TRDN: variants seen among roughly 807,000 people sequenced by gnomAD.
The protein encoded by TRDN is triadin.
TRDN carries 161 observed loss-of-function variants against 149.7 expected under a neutral mutation model. The ratio of observed to expected loss-of-function variants is 1.08; its 90% confidence interval spans 0.95 to 1.23. The LOEUF (loss-of-function observed/expected upper bound fraction) is 1.23. TRDN is among the 50% of genes most tolerant of loss of function. TRDN has a pLI of 0.00. For synonymous variants in TRDN, 294 were observed against 250.5 expected, an observed-to-expected ratio of 1.17 and a Z score of -1.64; for missense variants, 896 against 823.5, an observed-to-expected ratio of 1.09 and a Z score of -1.08.
intron 20 of TRDN, among the ~76,000 whole-genome samples, chr6:123,358,946 A>G (rs1049625077): frequency 1.3e-5 from 2 of 152,200 alleles, no homozygotes; most frequent in African/African-American, 4.8e-5. Context: ...ATAGCATGAT[A>G]AACTATTATT....
intron 21 of TRDN, 78 bp from the exon 22 acceptor site, chr6:123,337,747 T>C (rs895224276): frequency 8.8e-6 from 7 of 795,264 alleles, no homozygotes; most frequent in Non-Finnish European, 1.4e-5. Flanking sequence ...ATGTGTTTTG[T>C]ATACTGAGGC....
chr6:123,499,557 A>G (rs1314598210), intron 8 of TRDN, among the ~76,000 whole-genome samples: 2 of 150,386 alleles, frequency 1.3e-5, no homozygotes, highest in Admixed American at 6.7e-5. Context: ...TACAAAAATT[A>G]GCTGGGCATG....
intron 5 of TRDN, chr6:123,528,602 T>C: frequency 1.0e-6 from 1 of 980,034 alleles, no homozygotes; most frequent in Non-Finnish European, 1.2e-6. Context: ...CTTAAATTCC[T>C]AACTATCCAT....
intron 21 of TRDN, among the ~76,000 whole-genome samples, chr6:123,339,074 G>A (rs191439002): frequency 6.1e-4 from 92 of 151,766 alleles, no homozygotes; most frequent in Middle Eastern, 6.8e-3. Context: ...GTGCAGTGGC[G>A]CGATCTTGGC....
intron 19 of TRDN, among the ~76,000 whole-genome samples, chr6:123,372,500 T>C (rs1781360700): frequency 6.6e-6 from 1 of 152,070 alleles, no homozygotes; most frequent in Non-Finnish European, 1.5e-5. Context: ...TGGGCTTTGG[T>C]GGCTATTTTC....
At chr6:123,494,907 T>C (rs1206396064) in intron 9 of TRDN, among the ~76,000 whole-genome samples, 1 of 151,926 alleles carries the variant, frequency 6.6e-6, no homozygotes, top group Non-Finnish European at 1.5e-5. Context: ...CTAATTTTTG[T>C]ATTTTTAGTA....
intron 8 of TRDN, among the ~76,000 whole-genome samples, chr6:123,499,023 T>A (rs1404307460): frequency 1.3e-5 from 2 of 152,202 alleles, no homozygotes; most frequent in African/African-American, 2.4e-5. Flanking sequence ...GGAATATGCA[T>A]TTTATACAAA....
At chr6:123,433,416 C>T (rs1774423858) in intron 12 of TRDN, among the ~76,000 whole-genome samples, 1 of 151,842 alleles carries the variant, frequency 6.6e-6, no homozygotes. Context: ...CCTTGTCAAA[C>T]TGTAAGCTCC....
At chr6:123,621,786 G>T (rs957294832) in intron 1 of TRDN, among the ~76,000 whole-genome samples, 54 of 152,270 alleles carry the variant, frequency 3.5e-4, no homozygotes, top group African/African-American at 1.3e-3. Flanking sequence ...TACCAAAAAA[G>T]CTGGTTCCCT....
In TRDN at chr6:123,538,631, A is replaced by G. The variant is rs1780672114; in HGVS notation, c.425-8066T>C. ...AGATATTAAGAACAGTTTCTTTCAG[A>G]GATGTTGAAGCCCATAAATGTAAAT... On this transcript the variant is annotated intron_variant, in intron 4 of 40. Transcript: ENST00000334268. Among the ~76,000 whole-genome samples, 4 of 152,270 alleles carry G rather than the reference A, an allele frequency of 2.6e-5. No homozygotes were observed. The South Asian group carries it at 8.3e-4, about 32-fold the overall frequency.
At chr6:123,449,734 T>C (rs995061821) in intron 10 of TRDN, among the ~76,000 whole-genome samples, 3 of 152,160 alleles carry the variant, frequency 2.0e-5, no homozygotes, top group South Asian at 2.1e-4. Context: ...GGGAAATTCA[T>C]TGCAAAAAGA....
intron 9 of TRDN, among the ~76,000 whole-genome samples, chr6:123,494,693 A>G (rs4897255): frequency 0.48 from 73,576 of 151,988 alleles, 18,232 homozygotes; most frequent in Admixed American, 0.57. Flanking sequence ...TCTTGAACCA[A>G]CACAGGTGAA....
At chr6:123,534,823 T>C in intron 4 of TRDN, among the ~76,000 whole-genome samples, 1 of 152,140 alleles carries the variant, frequency 6.6e-6, no homozygotes, top group East Asian at 1.9e-4. Flanking sequence ...TAGCATAAAA[T>C]TTTACTTAAA....
At chr6:123,298,888 A>T (rs887149069) in intron 24 of TRDN, among the ~76,000 whole-genome samples, 3 of 152,066 alleles carry the variant, frequency 2.0e-5, no homozygotes, top group African/African-American at 7.2e-5. Context: ...GGGATATGTG[A>T]AAACAAAACA....
At chr6:123,301,763 A>ACATATC (rs1778417128) in intron 24 of TRDN, among the ~76,000 whole-genome samples, 1 of 80,936 alleles carries the variant, frequency 1.2e-5, no homozygotes, top group Non-Finnish European at 2.6e-5. Context: ...ATATATATAT[A>ACATATC]TATATACATA....
rs1468784979 is a variant in TRDN at position 123,443,652 on chromosome 6, G to A, written c.932-4649C>T. ...CTAAAAATACAAAAAATTAGCCAGG[G>A]GTCAAACGTTTAAGTCTTTAATCCA... is the stretch of plus-strand genomic sequence containing the variant. On this transcript the variant is annotated intron_variant, in intron 10 of 40. Coordinates refer to ENST00000334268, the MANE Select transcript of TRDN (RefSeq NM_006073.4). 2.0e-5 allele frequency among the ~76,000 whole-genome samples: 3 copies of A among 151,920 alleles called. No homozygotes were observed. In the South Asian group the frequency reaches 6.2e-4, roughly 32 times the overall value.
chr6:123,366,538 A>G (rs187814515), intron 19 of TRDN, among the ~76,000 whole-genome samples: 47 of 152,034 alleles, frequency 3.1e-4, no homozygotes, highest in African/African-American at 1.0e-3. Context: ...TTTTTTTTAA[A>G]CGGAGATTGG....
chr6:123,598,281 C>A (rs1354425308), intron 1 of TRDN, among the ~76,000 whole-genome samples: 1 of 151,968 alleles, frequency 6.6e-6, no homozygotes, highest in Non-Finnish European at 1.5e-5. Context: ...GGGAATGTAC[C>A]CTATAGCAAA....
In TRDN at chr6:123,269,968, C is replaced by T. The variant is rs1169465285; in HGVS notation, c.1721-102G>A. 3.6e-6 allele frequency: 4 copies of T among 1,113,298 alleles called. No individual in the cohort carries two copies. The African/African-American group carries it at 4.7e-5, about 13-fold the overall frequency. 69.0% of individuals were successfully genotyped at this position (1,113,298 alleles called of 1,614,324 possible). A position where few individuals can be genotyped will look rare whatever the true frequency, so the allele number is the denominator to read the frequency against. On this transcript the variant is annotated intron_variant, in intron 30 of 40. Coordinates refer to ENST00000334268, the MANE Select transcript of TRDN (RefSeq NM_006073.4). Reference sequence around the variant, plus strand: ...TTTACTTATTCTTAGTTTTAGGTCACCTCCTTAGCTTAAACTTAACCTGTT... The same window carrying T: ...TTTACTTATTCTTAGTTTTAGGTCATCTCCTTAGCTTAAACTTAACCTGTT...
Sources: allele counts gnomAD v4.1 joint callset (sites outside exome capture counted in the v4.1 genomes callset), GRCh38; gene constraint gnomAD v4.1.1; transcripts MANE v1.5; gene names NCBI Gene and HGNC (gene_info 2026-07-23, HGNC 2026-07-21).